Variants in LIMCH1 observed in about 807,000 individuals in gnomAD.
LIMCH1 encodes LIM and calponin homology domains 1.
In LIMCH1, 113 loss-of-function variants were observed where a neutral mutation model predicts 176.5. The ratio of observed to expected loss-of-function variants is 0.64; its 90% CI spans 0.55 to 0.75. The LOEUF is 0.75. LIMCH1 is among the 30% of genes least tolerant of loss of function. The probability of loss-of-function intolerance (pLI) is 0.00; values close to 1 mark genes in which losing one functional copy is unlikely to be tolerated. For missense variants in LIMCH1, 1,674 were observed against 1,814.9 expected (o/e 0.92, Z 1.41); for synonymous variants, 619 against 645.9 (o/e 0.96, Z 0.63).
At chr4:41,507,086 G>T (rs183097399) in intron 2 of LIMCH1, among the ~76,000 whole-genome samples, 1 of 152,264 alleles carries the variant, frequency 6.6e-6, no homozygotes, top group African/African-American at 2.4e-5. Context: ...TGTATTTATG[G>T]ATTTATTCTA....
intron 1 of LIMCH1, among the ~76,000 whole-genome samples, chr4:41,581,615 G>A (rs922628630): frequency 1.3e-5 from 2 of 151,856 alleles, no homozygotes; most frequent in Non-Finnish European, 2.9e-5. Context: ...GACCATCCTG[G>A]CCAACATGGT....
At position 41,687,853 on chromosome 4, in the gene LIMCH1, G is replaced by A; in HGVS notation, c.4102G>A (p.Glu1368Lys). The A allele has an allele frequency of 6.2e-7, 1 of 1,613,182 alleles. No homozygotes were observed. The highest frequency in any genetic ancestry group is 8.5e-7 in the Non-Finnish European group (1 of 1,179,458). The change falls in exon 29 of 32, where the codon GAG (glutamate) becomes AAG (lysine). Residue 1368 changes from glutamate to lysine, a missense_variant. Glu to Lys is a moderately conservative substitution (Grantham distance 56). Transcript: ENST00000503057. ...PSERRKKSPR[E>K]HFQAGPFSPC... ...ACCACATTACAGGAAAAGTCCCCGA[G>A]AGCACTTCCAGGCTGGGCCTTTCTC...
intron 7 of LIMCH1, among the ~76,000 whole-genome samples, chr4:41,621,206 G>C (rs1383867453): frequency 1.3e-5 from 2 of 152,114 alleles, no homozygotes; most frequent in Non-Finnish European, 2.9e-5. Context: ...AGTTTCTAAA[G>C]CATGTTGATT....
intron 2 of LIMCH1, among the ~76,000 whole-genome samples, chr4:41,504,291 T>A (rs535975486): frequency 4.6e-5 from 7 of 152,324 alleles, no homozygotes; most frequent in Admixed American, 1.3e-4. Context: ...ATTCTGAGTT[T>A]CCTAGTGTTT....
intron 1 of LIMCH1, among the ~76,000 whole-genome samples, chr4:41,555,344 G>A (rs1414882900): frequency 6.6e-6 from 1 of 152,162 alleles, no homozygotes; most frequent in Non-Finnish European, 1.5e-5. Flanking sequence ...GCCTATCAAA[G>A]CTTTCTGTCA....
rs1055097619 is a variant in LIMCH1, at chr4:41,678,617, C to T, written c.3520-1389C>T. Among the ~76,000 whole-genome samples the T allele has an allele frequency of 2.6e-5, 4 of 152,102 alleles. No individual in the cohort carries two copies. The East Asian group carries it at 5.8e-4, about 22-fold the overall frequency. ...CAAGGGGTGACCCTGGTAACAGAGG[C>T]GGGCACCAGGCCTTTGTATTGCTCC... On this transcript the variant is annotated intron_variant, in intron 23 of 31. Coordinates refer to ENST00000503057, the MANE Select transcript of LIMCH1 (RefSeq NM_001330672.2).
intron 1 of LIMCH1, among the ~76,000 whole-genome samples, chr4:41,569,857 G>C (rs905303696): frequency 1.3e-5 from 2 of 152,140 alleles, no homozygotes; most frequent in Admixed American, 6.5e-5. Context: ...TTAAAATTCT[G>C]TTCCTCGTCA....
chr4:41,555,060 C>A (rs576982449), intron 1 of LIMCH1, among the ~76,000 whole-genome samples: 2 of 152,118 alleles, frequency 1.3e-5, no homozygotes, highest in African/African-American at 2.4e-5. Context: ...CCAGTCATTG[C>A]CATTTGATTG....
chr4:41,680,878 G>A (rs936790315), intron 24 of LIMCH1, 77 bp from the exon 25 acceptor site: 2 of 759,890 alleles, frequency 2.6e-6, no homozygotes, highest in Admixed American at 4.4e-5. Context: ...TTTCTAAAGT[G>A]CCTTAATGAC....
At chr4:41,616,477 T>C (rs2092090544) in intron 5 of LIMCH1, among the ~76,000 whole-genome samples, 1 of 151,958 alleles carries the variant, frequency 6.6e-6, no homozygotes, top group African/African-American at 2.4e-5. Context: ...TGCAGTGAGC[T>C]GAGATCACAC....
At chr4:41,598,659 T>G (rs1584677698) in intron 1 of LIMCH1, among the ~76,000 whole-genome samples, 1 of 152,342 alleles carries the variant, frequency 6.6e-6, no homozygotes, top group East Asian at 1.9e-4. Flanking sequence ...GTTTTCCTTT[T>G]TAATGGCATT....
At chr4:41,390,421 C>T (rs1255516600) in intron 1 of LIMCH1, among the ~76,000 whole-genome samples, 1 of 152,168 alleles carries the variant, frequency 6.6e-6, no homozygotes, top group Non-Finnish European at 1.5e-5. Flanking sequence ...AAATACTTCT[C>T]ATGTAGTGCG....
chr4:41,683,910 T>A (rs185237739), intron 26 of LIMCH1, among the ~76,000 whole-genome samples: 147 of 152,352 alleles, frequency 9.6e-4, no homozygotes, highest in African/African-American at 3.2e-3. Context: ...TTTTTTGCAT[T>A]TTTGCAATTT....
intron 1 of LIMCH1, among the ~76,000 whole-genome samples, chr4:41,427,691 C>T (rs1428961737): frequency 1.3e-5 from 2 of 152,234 alleles, no homozygotes; most frequent in East Asian, 3.9e-4. Context: ...TGCACTCTTG[C>T]TTATTCAAAC....
intron 2 of LIMCH1, among the ~76,000 whole-genome samples, chr4:41,504,602 A>G (rs1290777934): frequency 2.0e-5 from 3 of 152,200 alleles, no homozygotes; most frequent in African/African-American, 7.2e-5. Context: ...GATACTCTTC[A>G]TGGCTATTTG....
At chr4:41,508,793 G>T (rs771176502) in intron 2 of LIMCH1, among the ~76,000 whole-genome samples, 2 of 152,184 alleles carry the variant, frequency 1.3e-5, no homozygotes, top group East Asian at 3.9e-4. Context: ...GTAGATATCA[G>T]TTTGAGCAAA....
At chr4:41,662,762 C>A in intron 19 of LIMCH1, 59 bp from the exon 20 acceptor site, 1 of 1,571,340 alleles carries the variant, frequency 6.4e-7, no homozygotes, top group Non-Finnish European at 8.7e-7. Flanking sequence ...AATAAATGGT[C>A]CTATAGATAT....
At chr4:41,453,106 C>T (rs2064099691) in intron 1 of LIMCH1, among the ~76,000 whole-genome samples, 1 of 152,174 alleles carries the variant, frequency 6.6e-6, no homozygotes, top group African/African-American at 2.4e-5. Context: ...AGGTGGTGCT[C>T]TAGAAGGACT....
chr4:41,546,833 A>C (rs552314585), intron 1 of LIMCH1, among the ~76,000 whole-genome samples: 2 of 151,976 alleles, frequency 1.3e-5, no homozygotes, highest in Admixed American at 1.3e-4. Flanking sequence ...ATACCTACAT[A>C]TATATATGGA....
Sources: allele counts gnomAD v4.1 joint callset (sites outside exome capture counted in the v4.1 genomes callset), GRCh38; gene constraint gnomAD v4.1.1; transcripts MANE v1.5; gene names NCBI Gene and HGNC (gene_info 2026-07-23, HGNC 2026-07-21).